The following CFAP53 variants were observed in gnomAD, a reference collection of about 807,000 sequenced individuals.
The protein encoded by CFAP53 is cilia- and flagella-associated protein 53.
Under a neutral mutation model 59.7 loss-of-function variants are expected in CFAP53, and 62 were observed. The ratio of observed to expected loss-of-function variants is 1.04; its 90% confidence interval spans 0.85 to 1.28. The LOEUF is 1.28. Among genes scored for constraint, CFAP53 ranks in the 50% most tolerant of loss-of-function variants. CFAP53 has a pLI of 0.00. For synonymous variants in CFAP53, 218 were observed against 205.7 expected (o/e 1.06, Z -0.51); for missense variants, 629 against 615.6 (o/e 1.02, Z -0.23).
At position 50,227,289 on chromosome 18, in the gene CFAP53, A is replaced by G; in HGVS notation, c.*92T>C. ...AATTACACAAACTCAGGGAAAAAAG[A>G]AAAGTTTATCCAGGAGTTAAAAGAA... On this transcript the variant is annotated 3_prime_UTR_variant, in exon 8 of 8. Coordinates refer to ENST00000398545, the MANE Select transcript of CFAP53 (RefSeq NM_145020.5). The G allele has an allele frequency of 9.9e-7, 1 of 1,007,794 alleles. No homozygotes were observed. Among genetic ancestry groups the G allele is most frequent in the Non-Finnish European group, 1.5e-6 (1 of 688,938 alleles). 62.4% of individuals were successfully genotyped at this position (1,007,794 alleles called of 1,614,324 possible).
Position 50,251,357 on chromosome 18 carries a change from C to T in CFAP53, c.777+124G>A, listed in dbSNP as rs547270413. ...TACATTATTAAACAGCACTAAGAGT[C>T]CAAAAATGGAAATGTGCCTGTGAAC... is the stretch of plus-strand genomic sequence containing the variant. On this transcript the variant is annotated intron_variant, in intron 4 of 7. Transcript: ENST00000398545. The T allele has an allele frequency of 1.7e-5, 14 of 831,648 alleles. No individual in the cohort carries two copies. The South Asian group carries it at 2.4e-4, about 14-fold the overall frequency. 51.5% of individuals were successfully genotyped at this position (831,648 alleles called of 1,614,324 possible). A position where few individuals can be genotyped will look rare whatever the true frequency, so the allele number is the denominator to read the frequency against.
chr18:50,239,362 A>C (rs1473387649), intron 6 of CFAP53, among the ~76,000 whole-genome samples: 3 of 152,094 alleles, frequency 2.0e-5, no homozygotes, highest in Non-Finnish European at 2.9e-5. Flanking sequence ...TCAATAAATA[A>C]ATAAATAAAT....
rs192619553 is a variant in CFAP53, at chr18:50,227,413, G to C, written c.1513C>G (p.Arg505Gly). The C allele has an allele frequency of 1.2e-6, 2 of 1,614,050 alleles. No individual in the cohort carries two copies. Among genetic ancestry groups the C allele is most frequent in the Non-Finnish European group, 1.7e-6 (2 of 1,179,896 alleles). Residue 505 changes from arginine to glycine, a missense_variant, in exon 8 of 8, where the codon CGC (arginine) becomes GGC (glycine). Physicochemically the swap from Arg to Gly is moderately radical, Grantham distance 125. Coordinates refer to ENST00000398545, the MANE Select transcript of CFAP53 (RefSeq NM_145020.5). ...QVLPQNIHPM[R>G]KACPSKLPP is the part of the protein sequence containing the mutation. Reference sequence around the variant, plus strand: ...GGAAGCTTACTGGGGCATGCCTTGCGCATGGGATGAATGTTTTGAGGCAGC... The same window carrying C: ...GGAAGCTTACTGGGGCATGCCTTGCCCATGGGATGAATGTTTTGAGGCAGC...
At chr18:50,263,656 A>T (rs1220135940) in intron 1 of CFAP53, among the ~76,000 whole-genome samples, 1 of 152,232 alleles carries the variant, frequency 6.6e-6, no homozygotes, top group African/African-American at 2.4e-5. Context: ...GTGAAAATAA[A>T]GCAGAGGAGG....
chr18:50,230,450 C>T (rs1170603294), intron 7 of CFAP53, among the ~76,000 whole-genome samples: 1 of 152,204 alleles, frequency 6.6e-6, no homozygotes, highest in Admixed American at 6.5e-5. Context: ...AAGGATGGTG[C>T]ACCCGCAGAG....
chr18:50,243,489 C>T (rs1213490175), intron 5 of CFAP53, among the ~76,000 whole-genome samples: 1 of 152,216 alleles, frequency 6.6e-6, no homozygotes, highest in African/African-American at 2.4e-5. Flanking sequence ...AATGATACAG[C>T]TTTATTTTCA....
intron 7 of CFAP53, among the ~76,000 whole-genome samples, chr18:50,232,756 C>T (rs1406199000): frequency 6.6e-6 from 1 of 152,234 alleles, no homozygotes; most frequent in African/African-American, 2.4e-5. Context: ...GTCTGGGGTG[C>T]TAATGCTCTC....
chr18:50,251,825 T>C, intron 3 of CFAP53, 41 bp from the exon 4 acceptor site: 1 of 1,540,394 alleles, frequency 6.5e-7, no homozygotes, highest in Non-Finnish European at 8.9e-7. Flanking sequence ...CAGCCTTTCG[T>C]GAGGCACTGC....
chr18:50,266,256 G>T, intron 1 of CFAP53, 80 bp downstream of exon 1: 1 of 1,389,372 alleles, frequency 7.2e-7, no homozygotes, highest in Admixed American at 1.7e-5. Context: ...CCGGGTGGGG[G>T]CCGAAGTGGG....
chr18:50,261,558 GT>G (rs2033894363), intron 2 of CFAP53, among the ~76,000 whole-genome samples: 1 of 151,480 alleles, frequency 6.6e-6, no homozygotes, highest in African/African-American at 2.4e-5. Flanking sequence ...ATGCCCAGCT[GT>G]TTTTTTATTT....
intron 4 of CFAP53, 136 bp downstream of exon 4, chr18:50,251,345 A>G (rs2033797124): frequency 1.3e-6 from 1 of 750,584 alleles, no homozygotes; most frequent in East Asian, 2.6e-5. Context: ...ATTATTAAAC[A>G]GCACTAAGAG....
At chr18:50,242,558 T>C (rs568518974) in intron 6 of CFAP53, among the ~76,000 whole-genome samples, 2 of 152,290 alleles carry the variant, frequency 1.3e-5, no homozygotes, top group East Asian at 3.9e-4. Flanking sequence ...TGTATGGAGA[T>C]AACTTTCGAA....
chr18:50,237,327 A>AAAAAAAAAAAAAAT (rs2033644797), intron 7 of CFAP53, among the ~76,000 whole-genome samples: 1 of 7,962 alleles, frequency 1.3e-4, no homozygotes. Flanking sequence ...AAAAAAAAAA[A>AAAAAAAAAAAAAAT]AAATATATAT....
intron 1 of CFAP53, among the ~76,000 whole-genome samples, chr18:50,265,102 G>A (rs1159073724): frequency 6.6e-6 from 1 of 152,094 alleles, no homozygotes; most frequent in Non-Finnish European, 1.5e-5. Context: ...ATTATTTACC[G>A]TGCTAACCTT....
chr18:50,253,298 G>A (rs935304799), intron 3 of CFAP53, among the ~76,000 whole-genome samples: 4 of 152,184 alleles, frequency 2.6e-5, no homozygotes, highest in South Asian at 2.1e-4. Context: ...TTACAGGCGT[G>A]AGCCACTGCG....
chr18:50,245,596 T>C (rs1161919536), intron 5 of CFAP53, among the ~76,000 whole-genome samples: 1 of 152,154 alleles, frequency 6.6e-6, no homozygotes, highest in African/African-American at 2.4e-5. Flanking sequence ...AGAAACATTA[T>C]TGAAAGAAAT....
At chr18:50,252,487 T>A (rs1181357342) in intron 3 of CFAP53, among the ~76,000 whole-genome samples, 2 of 152,152 alleles carry the variant, frequency 1.3e-5, no homozygotes, top group African/African-American at 4.8e-5. Flanking sequence ...CACTGCATCC[T>A]TGAACTCCTG....
chr18:50,243,951 C>CAA (rs759224070), intron 5 of CFAP53, among the ~76,000 whole-genome samples: 1 of 115,028 alleles, frequency 8.7e-6, no homozygotes, highest in Non-Finnish European at 1.8e-5. Context: ...GACTCCGTTT[C>CAA]AAAAAAAAAA....
intron 3 of CFAP53, among the ~76,000 whole-genome samples, chr18:50,258,116 A>G (rs1235964974): frequency 6.6e-6 from 1 of 152,238 alleles, no homozygotes; most frequent in African/African-American, 2.4e-5. Flanking sequence ...TAAAATTTGT[A>G]TGGAACCACA....
Sources: allele counts gnomAD v4.1 joint callset (sites outside exome capture counted in the v4.1 genomes callset), GRCh38; gene constraint gnomAD v4.1.1; transcripts MANE v1.5; gene names NCBI Gene and HGNC (gene_info 2026-07-23, HGNC 2026-07-21).